MECOM: variants seen among roughly 807,000 people sequenced by gnomAD.
The protein encoded by MECOM is histone-lysine N-methyltransferase MECOM.
A neutral mutation model predicts 116.3 loss-of-function variants in MECOM; 13 were observed. The ratio of observed to expected loss-of-function variants is 0.11; its 90% CI spans 0.07 to 0.18. The LOEUF (loss-of-function observed/expected upper bound fraction) is 0.18. Among genes scored for constraint, MECOM ranks in the 10% least tolerant of loss-of-function variants. The pLI, the probability that MECOM is intolerant of heterozygous loss-of-function variation, is 1.00. For synonymous variants in MECOM, 528 were observed against 535.2 expected (o/e 0.99, Z 0.19); for missense variants, 1,299 against 1,509.0 (o/e 0.86, Z 2.31).
At chr3:169,261,751 G>GAA in intron 2 of MECOM, among the ~76,000 whole-genome samples, 1 of 149,580 alleles carries the variant, frequency 6.7e-6, no homozygotes, top group African/African-American at 2.5e-5. Context: ...GAGAAAAGAA[G>GAA]AAGAAGAAGA....
chr3:169,183,517 T>C (rs1169156759), intron 2 of MECOM, among the ~76,000 whole-genome samples: 1 of 152,148 alleles, frequency 6.6e-6, no homozygotes, highest in Non-Finnish European at 1.5e-5. Context: ...ATGCCACTAT[T>C]GATATTTCAC....
intron 1 of MECOM, among the ~76,000 whole-genome samples, chr3:169,591,562 T>G (rs975703542): frequency 1.3e-5 from 2 of 152,210 alleles, no homozygotes; most frequent in Admixed American, 6.5e-5. Context: ...GAGCAGTGAA[T>G]GGCCTCTTCT....
Position 169,102,239 on chromosome 3 carries a change from AG to A in MECOM, c.2605-14del. 6.2e-7 allele frequency: 1 copy of A among 1,607,466 alleles called. No homozygotes were observed. The highest frequency in any genetic ancestry group is 8.5e-7 in the Non-Finnish European group (1 of 1,175,902). ...CAATAGCTGACATCTGAAAGGTAAAAGCACAAGACCATGAAGCGTTTGGCAT... is the reference window on the plus strand; with the variant it reads ...CAATAGCTGACATCTGAAAGGTAAAACACAAGACCATGAAGCGTTTGGCAT... On this transcript the variant is annotated splice_polypyrimidine_tract_variant and intron_variant, in intron 10 of 16. Transcript: ENST00000651503.
chr3:169,330,345 T>A (rs1009084834), intron 2 of MECOM, among the ~76,000 whole-genome samples: 1 of 152,046 alleles, frequency 6.6e-6, no homozygotes, highest in Non-Finnish European at 1.5e-5. Context: ...TTTTTAAGGG[T>A]GATTAGGAAT....
At chr3:169,660,469 G>A (rs1415025630) in intron 1 of MECOM, among the ~76,000 whole-genome samples, 1 of 151,852 alleles carries the variant, frequency 6.6e-6, no homozygotes, top group Non-Finnish European at 1.5e-5. Flanking sequence ...CGTGGTCTCT[G>A]GTCTAGGTCC....
At chr3:169,318,388 T>C (rs1720164037) in intron 2 of MECOM, among the ~76,000 whole-genome samples, 1 of 152,156 alleles carries the variant, frequency 6.6e-6, no homozygotes, top group South Asian at 2.1e-4. Context: ...AAAGGGCTAA[T>C]ATCCAGAATC....
chr3:169,098,891 G>T (rs73029120), intron 12 of MECOM, among the ~76,000 whole-genome samples: 8,616 of 152,058 alleles, frequency 0.057, 818 homozygotes, highest in African/African-American at 0.2. Flanking sequence ...ATAGTACATA[G>T]TACCCATTTT....
intron 1 of MECOM, among the ~76,000 whole-genome samples, chr3:169,461,912 T>TAAAG (rs1747513769): frequency 6.6e-6 from 1 of 152,096 alleles, no homozygotes; most frequent in East Asian, 1.9e-4. Flanking sequence ...AAGTTTACAT[T>TAAAG]TAGTCACCAA....
chr3:169,663,314 A>G (rs773468091), intron 1 of MECOM, 22 bp downstream of exon 1: 2 of 1,603,692 alleles, frequency 1.2e-6, no homozygotes, highest in East Asian at 2.2e-5. Flanking sequence ...AAAAGCCAAT[A>G]GAAAAGGGAT....
intron 1 of MECOM, among the ~76,000 whole-genome samples, chr3:169,427,053 A>G (rs79630806): frequency 6.6e-6 from 1 of 152,152 alleles, no homozygotes; most frequent in Admixed American, 6.5e-5. Context: ...ACAAGCATGG[A>G]TATATAACAG....
At chr3:169,475,711 T>C (rs1023881552) in intron 1 of MECOM, among the ~76,000 whole-genome samples, 6 of 151,948 alleles carry the variant, frequency 3.9e-5, no homozygotes, top group South Asian at 2.1e-4. Flanking sequence ...ATCCTTTCCA[T>C]AGTCTTTGTA....
intron 2 of MECOM, among the ~76,000 whole-genome samples, chr3:169,170,875 A>T (rs2149370686): frequency 6.6e-6 from 1 of 152,294 alleles, no homozygotes; most frequent in Non-Finnish European, 1.5e-5. Flanking sequence ...ACCATAGACA[A>T]TTTGATTCTC....
rs113527440 is a variant in MECOM at position 169,284,571 on chromosome 3, GCACA to G, written c.375+96612_375+96615del. On this transcript the variant is annotated intron_variant, in intron 2 of 16. Transcript: ENST00000651503. ...CATCCTTTTTTTAAAGTATATGAGC[GCACA>G]CACACACACACACACACAAATGTGT... 1.5e-3 allele frequency among the ~76,000 whole-genome samples: 215 copies of G among 146,948 alleles called. 2 individuals are homozygous for G. Among genetic ancestry groups the G allele is most frequent in the Non-Finnish European group, 1.6e-3 (103 of 66,280 alleles).
chr3:169,441,828 T>A (rs1743772227), intron 1 of MECOM, among the ~76,000 whole-genome samples: 1 of 151,564 alleles, frequency 6.6e-6, no homozygotes, highest in African/African-American at 2.4e-5. Flanking sequence ...CCTCTCGGGA[T>A]CAAGTGATTC....
chr3:169,104,879 C>T (rs536721753), intron 10 of MECOM, among the ~76,000 whole-genome samples: 2 of 152,154 alleles, frequency 1.3e-5, no homozygotes, highest in Admixed American at 1.3e-4. Flanking sequence ...TTTGGGAAAA[C>T]CATCAAGAAA....
chr3:169,340,533 G>T (rs773729831), intron 2 of MECOM, among the ~76,000 whole-genome samples: 1 of 152,100 alleles, frequency 6.6e-6, no homozygotes, highest in Non-Finnish European at 1.5e-5. Flanking sequence ...CATCTGGTTG[G>T]TGTCACCATT....
intron 1 of MECOM, chr3:169,613,896 G>T (rs960555136): frequency 2.6e-5 from 4 of 152,090 alleles, no homozygotes; most frequent in African/African-American, 9.7e-5. Flanking sequence ...CTCAGTCTTA[G>T]CCCCTTGTTA....
intron 1 of MECOM, among the ~76,000 whole-genome samples, chr3:169,557,503 G>A (rs1762176348): frequency 6.6e-6 from 1 of 152,086 alleles, no homozygotes; most frequent in South Asian, 2.1e-4. Flanking sequence ...TGCCTTAAAG[G>A]GCCAGGCAAC....
At chr3:169,146,334 T>C in intron 2 of MECOM, 1 of 1,301,634 alleles carries the variant, frequency 7.7e-7, no homozygotes, top group Non-Finnish European at 1.0e-6. Flanking sequence ...GGCTCCAAAG[T>C]CGCGTGGCCA....
Sources: allele counts gnomAD v4.1 joint callset (sites outside exome capture counted in the v4.1 genomes callset), GRCh38; gene constraint gnomAD v4.1.1; transcripts MANE v1.5; gene names NCBI Gene and HGNC (gene_info 2026-07-23, HGNC 2026-07-21).